Variants in LRRC4C observed in about 807,000 individuals in gnomAD.
The protein encoded by LRRC4C is leucine-rich repeat-containing protein 4C.
A neutral mutation model predicts 33.6 loss-of-function variants in LRRC4C; 5 were observed. The observed-to-expected ratio is 0.15, with a 90% CI of 0.08 to 0.31. The LOEUF is 0.31. Ranked by LOEUF, LRRC4C falls within the 10% of genes least tolerant of loss-of-function variation. The pLI, the probability that LRRC4C is intolerant of heterozygous loss-of-function variation, is 1.00. For synonymous variants in LRRC4C, 329 were observed against 302.0 expected, an observed-to-expected ratio of 1.09 and a Z score of -0.93; for missense variants, 560 against 796.7, an observed-to-expected ratio of 0.70 and a Z score of 3.58.
chr11:41,087,197 T>C (rs1940061463), intron 1 of LRRC4C, among the ~76,000 whole-genome samples: 1 of 152,158 alleles, frequency 6.6e-6, no homozygotes, highest in African/African-American at 2.4e-5. Flanking sequence ...AATATCAGTC[T>C]CGTTTTTCCA....
At chr11:40,682,190 A>T (rs1415647678) in intron 2 of LRRC4C, among the ~76,000 whole-genome samples, 1 of 151,786 alleles carries the variant, frequency 6.6e-6, no homozygotes, top group Non-Finnish European at 1.5e-5. Flanking sequence ...GAATCACCTG[A>T]GCCTGGGAAG....
chr11:40,598,013 C>T (rs1959542035), intron 3 of LRRC4C, among the ~76,000 whole-genome samples: 1 of 152,152 alleles, frequency 6.6e-6, no homozygotes, highest in Non-Finnish European at 1.5e-5. Flanking sequence ...ATGCATGGTT[C>T]AGAGTGCAAT....
At chr11:40,699,282 G>GT (rs1369763657) in intron 2 of LRRC4C, among the ~76,000 whole-genome samples, 40 of 152,172 alleles carry the variant, frequency 2.6e-4, no homozygotes, top group African/African-American at 9.6e-4. Context: ...AAATGAATTA[G>GT]TAATGAAACA....
At chr11:40,473,949 G>A (rs1253781336) in intron 3 of LRRC4C, among the ~76,000 whole-genome samples, 1 of 152,096 alleles carries the variant, frequency 6.6e-6, no homozygotes, top group African/African-American at 2.4e-5. Flanking sequence ...ACAGAAATAA[G>A]AGAGGACACA....
chr11:41,366,865 A>C (rs1952564308), intron 1 of LRRC4C, among the ~76,000 whole-genome samples: 1 of 152,128 alleles, frequency 6.6e-6, no homozygotes, highest in Non-Finnish European at 1.5e-5. Context: ...GAGAAAAGAA[A>C]TTTTTCTTCT....
chr11:40,649,261 A>T (rs968992635), intron 2 of LRRC4C, among the ~76,000 whole-genome samples: 20 of 152,150 alleles, frequency 1.3e-4, no homozygotes, highest in African/African-American at 4.1e-4. Flanking sequence ...AGTAGTCCTT[A>T]TCTCAACCAC....
intron 3 of LRRC4C, among the ~76,000 whole-genome samples, chr11:40,342,467 C>CA (rs1263243302): frequency 6.6e-6 from 1 of 151,780 alleles, no homozygotes; most frequent in African/African-American, 2.4e-5. Flanking sequence ...GATTCTGTCT[C>CA]AAAAAACAAA....
Position 40,140,802 on chromosome 11 carries a change from T to A in LRRC4C, c.-44A>T, listed in dbSNP as rs1857307110. The A allele has an allele frequency of 6.8e-6, 1 of 147,454 alleles. No homozygotes were observed. Among genetic ancestry groups the A allele is most frequent in the Non-Finnish European group, 1.5e-5 (1 of 66,696 alleles). The allele number at this position is 147,454 out of a possible 1,614,324, so 9.1% of individuals were successfully genotyped here. A position where few individuals can be genotyped will look rare whatever the true frequency, so the allele number is the denominator to read the frequency against. ...GATTTAGTATGAATCATCACCCACC[T>A]AGCTCTCCACTGGGGGTCTCTATGC... On this transcript the variant is annotated splice_region_variant and 5_prime_UTR_variant, in exon 6 of 7. Coordinates refer to ENST00000528697, the MANE Select transcript of LRRC4C (RefSeq NM_001258419.2).
chr11:40,190,477 TC>T (rs1194192718), intron 5 of LRRC4C, among the ~76,000 whole-genome samples: 3 of 152,206 alleles, frequency 2.0e-5, no homozygotes, highest in Non-Finnish European at 4.4e-5. Flanking sequence ...ACCAATCAAA[TC>T]TACCATGCGG....
intron 1 of LRRC4C, among the ~76,000 whole-genome samples, chr11:41,235,013 A>G (rs963001548): frequency 3.3e-5 from 5 of 152,010 alleles, no homozygotes; most frequent in African/African-American, 1.2e-4. Context: ...AAATAGGTGA[A>G]GGATCAGAAC....
chr11:40,591,282 A>C (rs1054258190), intron 3 of LRRC4C, among the ~76,000 whole-genome samples: 5 of 152,098 alleles, frequency 3.3e-5, no homozygotes, highest in African/African-American at 1.2e-4. Flanking sequence ...TAGGAAAGGG[A>C]ACTCCCTGAC....
intron 2 of LRRC4C, among the ~76,000 whole-genome samples, chr11:40,896,805 C>G (rs11036143): frequency 0.13 from 20,486 of 152,134 alleles, 1,641 homozygotes; most frequent in East Asian, 0.21. Context: ...TGCGCATCTA[C>G]TTACAATCTA....
intron 3 of LRRC4C, among the ~76,000 whole-genome samples, chr11:40,465,998 C>A (rs1952633224): frequency 6.6e-6 from 1 of 151,864 alleles, no homozygotes; most frequent in Non-Finnish European, 1.5e-5. Context: ...TTCACAAGAG[C>A]AAAAATATAG....
At chr11:41,367,759 TC>T (rs1164476540) in intron 1 of LRRC4C, among the ~76,000 whole-genome samples, 8 of 152,062 alleles carry the variant, frequency 5.3e-5, no homozygotes, top group African/African-American at 1.9e-4. Context: ...TTCCATTTGG[TC>T]CCTGAACCTT....
At chr11:40,281,541 A>G (rs994799865) in intron 4 of LRRC4C, among the ~76,000 whole-genome samples, 4 of 152,196 alleles carry the variant, frequency 2.6e-5, no homozygotes, top group Non-Finnish European at 4.4e-5. Context: ...GGAGAGGCAC[A>G]TCTCTACATT....
chr11:40,364,284 A>G (rs1244930611), intron 3 of LRRC4C, among the ~76,000 whole-genome samples: 5 of 152,108 alleles, frequency 3.3e-5, no homozygotes, highest in African/African-American at 1.2e-4. Context: ...GCTGACCTAG[A>G]CCAAAAAAAA....
At chr11:41,301,503 C>T (rs1445160713) in intron 1 of LRRC4C, among the ~76,000 whole-genome samples, 2 of 152,000 alleles carry the variant, frequency 1.3e-5, no homozygotes, top group African/African-American at 2.4e-5. Flanking sequence ...GCTATCTCTA[C>T]TTTAGAGAAA....
intron 5 of LRRC4C, among the ~76,000 whole-genome samples, chr11:40,167,407 C>T (rs576934408): frequency 5.9e-5 from 9 of 152,188 alleles, no homozygotes; most frequent in African/African-American, 1.2e-4. Context: ...ATTTAATTAA[C>T]TCCAGCTAAG....
intron 1 of LRRC4C, among the ~76,000 whole-genome samples, chr11:41,220,196 G>T (rs1276861068): frequency 6.6e-6 from 1 of 152,000 alleles, no homozygotes; most frequent in Non-Finnish European, 1.5e-5. Flanking sequence ...TTTGTACCAG[G>T]CATGCTCTAC....
Sources: allele counts gnomAD v4.1 joint callset (sites outside exome capture counted in the v4.1 genomes callset), GRCh38; gene constraint gnomAD v4.1.1; transcripts MANE v1.5; gene names NCBI Gene and HGNC (gene_info 2026-07-23, HGNC 2026-07-21).